Variants in CABCOCO1 observed in about 807,000 individuals in gnomAD.
CABCOCO1 encodes the protein ciliary-associated calcium-binding coiled-coil protein 1.
Under a neutral mutation model 35.7 loss-of-function variants are expected in CABCOCO1, and 28 were observed. That is an observed-to-expected ratio of 0.78 (90% CI 0.58 to 1.07). The LOEUF is 1.07. Ranked by LOEUF, CABCOCO1 falls within the 50% of genes least tolerant of loss-of-function variation. The pLI, the probability that CABCOCO1 is intolerant of heterozygous loss-of-function variation, is 0.00. For missense variants in CABCOCO1, 326 were observed against 309.2 expected (o/e 1.05, Z -0.41); for synonymous variants, 95 against 100.1 (o/e 0.95, Z 0.30).
chr10:61,683,234 A>G (rs994434170), intron 3 of CABCOCO1, among the ~76,000 whole-genome samples: 1 of 152,062 alleles, frequency 6.6e-6, no homozygotes, highest in Non-Finnish European at 1.5e-5. Flanking sequence ...ATAATTTTGA[A>G]AATAGGTATT....
rs1589117533 is a variant in CABCOCO1 at position 61,681,198 on chromosome 10, A to G, written c.220A>G (p.Ile74Val). Residue 74 changes from isoleucine to valine, a missense_variant, in exon 3 of 8, where the codon ATT (isoleucine) becomes GTT (valine). Ile to Val is a conservative substitution (Grantham distance 29, BLOSUM62 3). Coordinates refer to ENST00000648843, the MANE Select transcript of CABCOCO1 (RefSeq NM_001366906.2). Reference sequence around the variant, plus strand: ...CCTTGAAACTTGTTTAAAGGATGCCATTCTACTAGATTATTATGTATCTGG... The same window carrying G: ...CCTTGAAACTTGTTTAAAGGATGCCGTTCTACTAGATTATTATGTATCTGG... ...KNLETCLKDA[I>V]LLDYYVSGFL... The G allele has an allele frequency of 6.6e-7, 1 of 1,523,204 alleles. No homozygotes were observed. Among genetic ancestry groups the G allele is most frequent in the East Asian group, 2.4e-5 (1 of 42,270 alleles). The allele number at this position is 1,523,204 out of a possible 1,614,324, so 94.4% of individuals were successfully genotyped here.
intron 5 of CABCOCO1, among the ~76,000 whole-genome samples, chr10:61,755,355 C>G (rs1841876890): frequency 6.6e-6 from 1 of 151,978 alleles, no homozygotes; most frequent in South Asian, 2.1e-4. Context: ...TGAGTAATGC[C>G]TTTCTTCAAG....
At chr10:61,754,503 T>C (rs1350526638) in intron 5 of CABCOCO1, among the ~76,000 whole-genome samples, 1 of 152,140 alleles carries the variant, frequency 6.6e-6, no homozygotes, top group Non-Finnish European at 1.5e-5. Flanking sequence ...ATTGTAGTAT[T>C]GGCCTTAAGC....
intron 5 of CABCOCO1, among the ~76,000 whole-genome samples, chr10:61,759,092 C>T (rs1309673353): frequency 4.6e-5 from 7 of 151,594 alleles, no homozygotes; most frequent in Non-Finnish European, 1.0e-4. Flanking sequence ...ATGTTTGAAG[C>T]TCTAATCTCA....
At chr10:61,744,798 C>T (rs1841622065) in intron 5 of CABCOCO1, among the ~76,000 whole-genome samples, 1 of 152,086 alleles carries the variant, frequency 6.6e-6, no homozygotes, top group South Asian at 2.1e-4. Flanking sequence ...ATGGCAAACA[C>T]CATAGAGGTC....
chr10:61,686,767 G>A (rs1427438900), intron 4 of CABCOCO1, among the ~76,000 whole-genome samples: 1 of 152,098 alleles, frequency 6.6e-6, no homozygotes, highest in Non-Finnish European at 1.5e-5. Context: ...GAAAATAATG[G>A]TGTGTGGAAG....
At chr10:61,756,363 C>A (rs1365872033) in intron 5 of CABCOCO1, among the ~76,000 whole-genome samples, 2 of 151,990 alleles carry the variant, frequency 1.3e-5, no homozygotes. Context: ...TTTCTAGCAA[C>A]CACATCTGTA....
chr10:61,714,816 G>C (rs1261934753), intron 5 of CABCOCO1, among the ~76,000 whole-genome samples: 1 of 152,166 alleles, frequency 6.6e-6, no homozygotes, highest in Non-Finnish European at 1.5e-5. Flanking sequence ...ATGTAGTTGT[G>C]CACTTTTGAG....
At chr10:61,721,295 G>T (rs182220889) in intron 5 of CABCOCO1, among the ~76,000 whole-genome samples, 2 of 152,126 alleles carry the variant, frequency 1.3e-5, no homozygotes, top group Admixed American at 1.3e-4. Flanking sequence ...CCATTTACCT[G>T]AATAAAATGT....
intron 2 of CABCOCO1, among the ~76,000 whole-genome samples, chr10:61,673,606 A>G (rs2068754): frequency 1.3e-5 from 2 of 152,136 alleles, no homozygotes; most frequent in Admixed American, 6.5e-5. Context: ...CACTACTGAG[A>G]AGGGAATATG....
intron 5 of CABCOCO1, among the ~76,000 whole-genome samples, chr10:61,749,198 G>A (rs904909810): frequency 2.6e-5 from 4 of 152,256 alleles, no homozygotes; most frequent in African/African-American, 9.6e-5. Flanking sequence ...TTAAAAATAT[G>A]GAAATGGATT....
chr10:61,758,418 C>T (rs1407072294), intron 5 of CABCOCO1, among the ~76,000 whole-genome samples: 5 of 152,046 alleles, frequency 3.3e-5, no homozygotes, highest in African/African-American at 1.2e-4. Context: ...AGGTGAAATT[C>T]TTGTTTGCCC....
At chr10:61,747,701 T>C (rs560103774) in intron 5 of CABCOCO1, among the ~76,000 whole-genome samples, 1 of 152,340 alleles carries the variant, frequency 6.6e-6, no homozygotes, top group Non-Finnish European at 1.5e-5. Context: ...CAGAGTCGAT[T>C]GATACTTCGA....
intron 5 of CABCOCO1, among the ~76,000 whole-genome samples, chr10:61,693,767 G>C (rs542235886): frequency 6.6e-6 from 1 of 152,128 alleles, no homozygotes; most frequent in East Asian, 1.9e-4. Flanking sequence ...GAAGATAAAG[G>C]AATATTTTAA....
chr10:61,710,318 T>C (rs1397374116), intron 5 of CABCOCO1, among the ~76,000 whole-genome samples: 3 of 150,810 alleles, frequency 2.0e-5, no homozygotes, highest in Non-Finnish European at 3.0e-5. Context: ...ATAGAGATAA[T>C]GATAGAGACA....
intron 5 of CABCOCO1, among the ~76,000 whole-genome samples, chr10:61,734,821 A>G (rs912560946): frequency 6.6e-6 from 1 of 152,128 alleles, no homozygotes; most frequent in African/African-American, 2.4e-5. Context: ...AAATTTTAAA[A>G]CAAGAACAAA....
In CABCOCO1 at chr10:61,671,855, C is replaced by T. The variant is rs1839371007; in HGVS notation, c.61-777C>T. Reference sequence around the variant, plus strand: ...TGCTGTCTGTATTACTAGAAACAAACTTCTCAGACTACCATTCTTCAACCA... The same window carrying T: ...TGCTGTCTGTATTACTAGAAACAAATTTCTCAGACTACCATTCTTCAACCA... On this transcript the variant is annotated intron_variant, in intron 1 of 7. Coordinates refer to ENST00000648843, the MANE Select transcript of CABCOCO1 (RefSeq NM_001366906.2). Among the ~76,000 whole-genome samples the T allele has an allele frequency of 2.6e-5, 4 of 152,208 alleles. 1 individual carries two copies. In the South Asian group the frequency reaches 8.3e-4, roughly 32 times the overall value.
intron 2 of CABCOCO1, among the ~76,000 whole-genome samples, chr10:61,680,688 TA>T (rs1176971983): frequency 0.047 from 3,733 of 79,276 alleles, 677 homozygotes; most frequent in African/African-American, 0.19. Flanking sequence ...GTTATACATG[TA>T]TAACATATAT....
chr10:61,721,078 C>T (rs1031932959), intron 5 of CABCOCO1, among the ~76,000 whole-genome samples: 1 of 151,748 alleles, frequency 6.6e-6, no homozygotes, highest in African/African-American at 2.4e-5. Context: ...GCGCCCGCCA[C>T]CACGCCCGGC....
Sources: allele counts gnomAD v4.1 joint callset (sites outside exome capture counted in the v4.1 genomes callset), GRCh38; gene constraint gnomAD v4.1.1; transcripts MANE v1.5; gene names NCBI Gene and HGNC (gene_info 2026-07-23, HGNC 2026-07-21).